DGKB: variants seen among roughly 807,000 people sequenced by gnomAD.
The protein encoded by DGKB is diacylglycerol kinase beta.
A neutral mutation model predicts 114.3 loss-of-function variants in DGKB; 67 were observed. The ratio of observed to expected loss-of-function variants is 0.59; its 90% CI spans 0.48 to 0.72. DGKB has a LOEUF of 0.72. Ranked by LOEUF, DGKB falls within the 30% of genes least tolerant of loss-of-function variation. The probability of loss-of-function intolerance (pLI) is 0.00; values close to 1 mark genes in which losing one functional copy is unlikely to be tolerated. For missense variants in DGKB, 907 were observed against 975.2 expected (o/e 0.93, Z 0.93); for synonymous variants, 398 against 323.1 (o/e 1.23, Z -2.49).
chr7:14,741,499 A>G (rs1466209178), intron 4 of DGKB, among the ~76,000 whole-genome samples: 2 of 152,142 alleles, frequency 1.3e-5, no homozygotes, highest in Non-Finnish European at 2.9e-5. Context: ...CAAACTGCCT[A>G]GTATGTTGTT....
intron 2 of DGKB, among the ~76,000 whole-genome samples, chr7:14,831,124 G>C (rs1846357683): frequency 6.6e-6 from 1 of 151,832 alleles, no homozygotes; most frequent in Non-Finnish European, 1.5e-5. Context: ...GCACAAATAA[G>C]ATGTATCTGA....
chr7:14,800,593 G>A (rs1290062757), intron 2 of DGKB, among the ~76,000 whole-genome samples: 1 of 152,126 alleles, frequency 6.6e-6, no homozygotes, highest in Non-Finnish European at 1.5e-5. Flanking sequence ...GCCTATTGTG[G>A]GACCCTGTGA....
At chr7:14,381,864 A>G (rs561823907) in intron 21 of DGKB, among the ~76,000 whole-genome samples, 1 of 152,326 alleles carries the variant, frequency 6.6e-6, no homozygotes, top group South Asian at 2.1e-4. Context: ...GATATTTGCT[A>G]CAGTTTCAGT....
intron 13 of DGKB, among the ~76,000 whole-genome samples, chr7:14,637,602 A>G (rs546828659): frequency 6.6e-6 from 1 of 151,586 alleles, no homozygotes; most frequent in African/African-American, 2.4e-5. Flanking sequence ...TATGTTTTAT[A>G]TACCTATATA....
chr7:14,153,471 T>C (rs1782524797), intron 25 of DGKB, among the ~76,000 whole-genome samples: 1 of 152,006 alleles, frequency 6.6e-6, no homozygotes, highest in South Asian at 2.1e-4. Context: ...ACACCCTTAT[T>C]TTACACTGAA....
At chr7:14,657,128 G>A (rs940752369) in intron 13 of DGKB, among the ~76,000 whole-genome samples, 9 of 151,580 alleles carry the variant, frequency 5.9e-5, no homozygotes, top group Non-Finnish European at 1.0e-4. Context: ...AGAAATACAC[G>A]GACATGCTAT....
At chr7:14,418,896 G>A (rs1005133078) in intron 21 of DGKB, among the ~76,000 whole-genome samples, 1 of 151,864 alleles carries the variant, frequency 6.6e-6, no homozygotes, top group African/African-American at 2.4e-5. Context: ...CATTCAGTAA[G>A]GGTTAACTGA....
chr7:14,954,607 G>C (rs1411909650), intron 1 of DGKB, among the ~76,000 whole-genome samples: 3 of 151,936 alleles, frequency 2.0e-5, no homozygotes, highest in African/African-American at 4.8e-5. Flanking sequence ...GATTTTTTTG[G>C]GGGGAGGGGG....
intron 20 of DGKB, among the ~76,000 whole-genome samples, chr7:14,556,111 C>T (rs923740089): frequency 1.3e-5 from 2 of 152,090 alleles, no homozygotes; most frequent in African/African-American, 4.8e-5. Flanking sequence ...GACTCCTTTC[C>T]GGTAACAGGA....
intron 23 of DGKB, among the ~76,000 whole-genome samples, chr7:14,210,590 A>G (rs1787593613): frequency 6.6e-6 from 1 of 152,104 alleles, no homozygotes; most frequent in South Asian, 2.1e-4. Flanking sequence ...TGATTTTCAG[A>G]ATGAATCAAT....
chr7:14,805,878 A>T (rs1842735284), intron 2 of DGKB, among the ~76,000 whole-genome samples: 1 of 150,516 alleles, frequency 6.6e-6, no homozygotes, highest in Non-Finnish European at 1.5e-5. Flanking sequence ...TATTTCCTTT[A>T]ATTAAAATAT....
chr7:14,483,213 G>A (rs961437328), intron 20 of DGKB, among the ~76,000 whole-genome samples: 3 of 152,060 alleles, frequency 2.0e-5, no homozygotes, highest in African/African-American at 7.2e-5. Context: ...ATATCGATTG[G>A]AACCAGTGAC....
chr7:14,916,869 C>A (rs1784263496), intron 1 of DGKB, among the ~76,000 whole-genome samples: 1 of 151,940 alleles, frequency 6.6e-6, no homozygotes, highest in Non-Finnish European at 1.5e-5. Flanking sequence ...GGGGCACTCA[C>A]CAAGATAGAC....
chr7:14,709,766 T>C (rs1251673633), intron 6 of DGKB, among the ~76,000 whole-genome samples: 1 of 132,202 alleles, frequency 7.6e-6, no homozygotes, highest in Non-Finnish European at 1.5e-5. Flanking sequence ...AATTGAACAA[T>C]GAGATCACAT....
At chr7:14,207,507 G>C (rs1406007801) in intron 23 of DGKB, among the ~76,000 whole-genome samples, 1 of 151,986 alleles carries the variant, frequency 6.6e-6, no homozygotes, top group African/African-American at 2.4e-5. Flanking sequence ...ATGCACAGAA[G>C]CAGAGACATT....
At chr7:14,972,945 T>C (rs112465863) in intron 1 of DGKB, among the ~76,000 whole-genome samples, 2 of 152,160 alleles carry the variant, frequency 1.3e-5, no homozygotes, top group African/African-American at 4.8e-5. Context: ...TAACGTTATA[T>C]ATGGTCTAGG....
At chr7:14,712,654 G>A (rs1827562279) in intron 6 of DGKB, among the ~76,000 whole-genome samples, 2 of 152,026 alleles carry the variant, frequency 1.3e-5, no homozygotes, top group Non-Finnish European at 2.9e-5. Flanking sequence ...CTGGGAAACA[G>A]AGTGAGACTG....
At chr7:14,372,605 A>G (rs942803224) in intron 21 of DGKB, among the ~76,000 whole-genome samples, 3 of 152,092 alleles carry the variant, frequency 2.0e-5, no homozygotes, top group African/African-American at 7.2e-5. Context: ...CTTTATCATT[A>G]TGAGAGATGT....
intron 23 of DGKB, among the ~76,000 whole-genome samples, chr7:14,315,394 C>G (rs767967135): frequency 2.7e-5 from 4 of 148,348 alleles, no homozygotes; most frequent in African/African-American, 1.0e-4. Flanking sequence ...ACCCATCTCA[C>G]GTGCAGAGAC....
Sources: allele counts gnomAD v4.1 joint callset (sites outside exome capture counted in the v4.1 genomes callset), GRCh38; gene constraint gnomAD v4.1.1; transcripts MANE v1.5; gene names NCBI Gene and HGNC (gene_info 2026-07-23, HGNC 2026-07-21).